Variants in CACNA2D1 observed in about 807,000 individuals in gnomAD.
CACNA2D1 encodes voltage-dependent calcium channel subunit alpha-2/delta-1.
In CACNA2D1, 53 loss-of-function variants were observed where a neutral mutation model predicts 171.5. The observed-to-expected ratio is 0.31, with a 90% CI of 0.25 to 0.39. The LOEUF (loss-of-function observed/expected upper bound fraction) is 0.39. Among genes scored for constraint, CACNA2D1 ranks in the 10% least tolerant of loss-of-function variants. The pLI, the probability that CACNA2D1 is intolerant of heterozygous loss-of-function variation, is 1.00. For synonymous variants in CACNA2D1, 442 were observed against 443.1 expected, an observed-to-expected ratio of 1.00 and a Z score of 0.03; for missense variants, 903 against 1,299.8, an observed-to-expected ratio of 0.69 and a Z score of 4.69.
chr7:82,371,087 A>T (rs1356665452), intron 1 of CACNA2D1, among the ~76,000 whole-genome samples: 3 of 152,216 alleles, frequency 2.0e-5, no homozygotes, highest in Non-Finnish European at 2.9e-5. Context: ...GAGATGGGTT[A>T]TAAGGGGTGT....
intron 1 of CACNA2D1, among the ~76,000 whole-genome samples, chr7:82,389,382 T>C (rs1208775471): frequency 6.6e-6 from 1 of 152,084 alleles, no homozygotes; most frequent in Non-Finnish European, 1.5e-5. Context: ...ATGTTCATGT[T>C]GATAGTATTT....
At chr7:82,397,998 G>T (rs1825923276) in intron 1 of CACNA2D1, among the ~76,000 whole-genome samples, 2 of 152,182 alleles carry the variant, frequency 1.3e-5, no homozygotes, top group South Asian at 4.1e-4. Flanking sequence ...GATACCAGTG[G>T]GATAGGATTA....
chr7:82,060,001 T>G (rs1169033970), intron 10 of CACNA2D1, among the ~76,000 whole-genome samples: 8 of 11,256 alleles, frequency 7.1e-4, no homozygotes, highest in South Asian at 6.2e-3. Context: ...TGTTGTGGGG[T>G]GGGGGGAGGG....
intron 4 of CACNA2D1, among the ~76,000 whole-genome samples, chr7:82,164,210 G>A (rs775157628): frequency 1.6e-4 from 24 of 151,836 alleles, no homozygotes; most frequent in Non-Finnish European, 1.9e-4. Context: ...AATACTACAA[G>A]TAATTATTTT....
At chr7:82,438,112 T>C (rs915228090) in intron 1 of CACNA2D1, among the ~76,000 whole-genome samples, 1 of 152,190 alleles carries the variant, frequency 6.6e-6, no homozygotes, top group African/African-American at 2.4e-5. Context: ...ACTTGAGCAT[T>C]TTCAGGCTGC....
intron 3 of CACNA2D1, among the ~76,000 whole-genome samples, chr7:82,252,692 C>T (rs887121617): frequency 9.9e-5 from 15 of 152,064 alleles, no homozygotes; most frequent in Non-Finnish European, 2.9e-5. Context: ...GAGATCGAGA[C>T]CATCTGGGCC....
intron 3 of CACNA2D1, among the ~76,000 whole-genome samples, chr7:82,215,692 C>A (rs1338011646): frequency 6.6e-6 from 1 of 152,002 alleles, no homozygotes; most frequent in African/African-American, 2.4e-5. Flanking sequence ...ATTAATACTT[C>A]TTTAAAATTC....
At chr7:82,090,538 A>G (rs1811034142) in intron 6 of CACNA2D1, among the ~76,000 whole-genome samples, 1 of 152,018 alleles carries the variant, frequency 6.6e-6, no homozygotes, top group African/African-American at 2.4e-5. Flanking sequence ...TATTTAAACT[A>G]TTGTTACTAA....
At chr7:82,067,687 T>C (rs374339438) in intron 7 of CACNA2D1, among the ~76,000 whole-genome samples, 1 of 152,196 alleles carries the variant, frequency 6.6e-6, no homozygotes, top group East Asian at 1.9e-4. Context: ...CAATTTGCAC[T>C]TGCAGAAAGT....
intron 20 of CACNA2D1, among the ~76,000 whole-genome samples, chr7:81,993,907 G>C (rs1187030437): frequency 1.3e-5 from 2 of 152,032 alleles, no homozygotes; most frequent in East Asian, 3.9e-4. Flanking sequence ...ATGTGCAAAA[G>C]TCTAAGCAAA....
intron 3 of CACNA2D1, among the ~76,000 whole-genome samples, chr7:82,319,445 AT>A (rs1815537809): frequency 6.6e-6 from 1 of 152,206 alleles, no homozygotes; most frequent in Non-Finnish European, 1.5e-5. Flanking sequence ...GAAAATGAAC[AT>A]TTCTGCAAGA....
At chr7:81,961,170 T>C (rs1269329719) in intron 36 of CACNA2D1, among the ~76,000 whole-genome samples, 9 of 152,024 alleles carry the variant, frequency 5.9e-5, no homozygotes, top group Non-Finnish European at 1.0e-4. Context: ...CTCTACTCTG[T>C]GCTTTGTAAG....
At chr7:82,063,266 TTG>T (rs1807173425) in intron 9 of CACNA2D1, among the ~76,000 whole-genome samples, 1 of 152,198 alleles carries the variant, frequency 6.6e-6, no homozygotes, top group South Asian at 2.1e-4. Flanking sequence ...CATTAATATA[TTG>T]ATTTATACTT....
chr7:82,200,358 G>A (rs767212733), intron 3 of CACNA2D1, among the ~76,000 whole-genome samples: 28 of 151,894 alleles, frequency 1.8e-4, no homozygotes, highest in Non-Finnish European at 3.7e-4. Context: ...AAATATACCT[G>A]TGAATAAAAT....
intron 6 of CACNA2D1, among the ~76,000 whole-genome samples, chr7:82,107,586 C>CTTTTTTTTTTT (rs72498624): frequency 2.2e-5 from 3 of 135,652 alleles, no homozygotes; most frequent in East Asian, 2.2e-4. Flanking sequence ...TGAAAATAAA[C>CTTTTTTTTTTT]TTTTTTTTTT....
At chr7:82,003,021 G>A (rs1190543332) in intron 18 of CACNA2D1, among the ~76,000 whole-genome samples, 1 of 151,950 alleles carries the variant, frequency 6.6e-6, no homozygotes, top group Admixed American at 6.6e-5. Flanking sequence ...TTAGTATACT[G>A]TTACCATATG....
chr7:82,137,404 GTC>G (rs1791750312), intron 4 of CACNA2D1, among the ~76,000 whole-genome samples: 1 of 152,098 alleles, frequency 6.6e-6, no homozygotes. Context: ...TATTCTTTGT[GTC>G]TCTGAGGCTA....
At chr7:82,201,367 T>A (rs1297290260) in intron 3 of CACNA2D1, among the ~76,000 whole-genome samples, 13 of 152,220 alleles carry the variant, frequency 8.5e-5, no homozygotes, top group Admixed American at 7.9e-4. Flanking sequence ...CTAGTCACAT[T>A]TTTTTAATCA....
At chr7:81,966,151 T>C (rs1283856477) in intron 31 of CACNA2D1, among the ~76,000 whole-genome samples, 2 of 151,390 alleles carry the variant, frequency 1.3e-5, no homozygotes, top group Admixed American at 1.3e-4. Context: ...AATATGTAGT[T>C]GGATAATTGG....
Sources: allele counts gnomAD v4.1 joint callset (sites outside exome capture counted in the v4.1 genomes callset), GRCh38; gene constraint gnomAD v4.1.1; transcripts MANE v1.5; gene names NCBI Gene and HGNC (gene_info 2026-07-23, HGNC 2026-07-21).